Variants in RORA observed in about 807,000 individuals in gnomAD.
The protein encoded by RORA is RAR related orphan receptor A.
Under a neutral mutation model 69.5 loss-of-function variants are expected in RORA, and 7 were observed. The observed-to-expected ratio is 0.10, with a 90% CI of 0.06 to 0.19. The LOEUF is 0.19. Ranked by LOEUF, RORA falls within the 10% of genes least tolerant of loss-of-function variation. The pLI is 1.00. For synonymous variants in RORA, 261 were observed against 240.8 expected (o/e 1.08, Z -0.78); for missense variants, 457 against 663.0 (o/e 0.69, Z 3.41).
chr15:60,827,070 T>A (rs916498895), intron 1 of RORA, among the ~76,000 whole-genome samples: 11 of 152,206 alleles, frequency 7.2e-5, no homozygotes, highest in African/African-American at 2.7e-4. Flanking sequence ...CATTTCTACA[T>A]GTACTGGGTA....
At chr15:60,657,340 C>T (rs528845727) in intron 2 of RORA, among the ~76,000 whole-genome samples, 1 of 152,290 alleles carries the variant, frequency 6.6e-6, no homozygotes, top group African/African-American at 2.4e-5. Context: ...CCCCCTGCCC[C>T]ACCCCCTGGG....
intron 1 of RORA, among the ~76,000 whole-genome samples, chr15:60,787,748 CA>C (rs2072358047): frequency 1.3e-5 from 2 of 152,294 alleles, no homozygotes; most frequent in South Asian, 4.1e-4. Flanking sequence ...CTGCAATCTA[CA>C]AGGTGCTATG....
At position 60,663,363 on chromosome 15, in the gene RORA, A is replaced by G. The variant is rs188530690; in HGVS notation, c.196+15294T>C. Reference sequence around the variant, plus strand: ...CTTCAATGTGAGATAGACCCAACTTAGCCTTTATGCCAAGAGGGTTAGTTC... The same window carrying G: ...CTTCAATGTGAGATAGACCCAACTTGGCCTTTATGCCAAGAGGGTTAGTTC... On this transcript the variant is annotated intron_variant, in intron 2 of 10. Transcript: ENST00000335670. Among the ~76,000 whole-genome samples, 19 of 152,246 alleles carry G rather than the reference A, an allele frequency of 1.2e-4. 1 individual carries two copies. The highest frequency in any genetic ancestry group is 1.2e-3 in the Admixed American group (19 of 15,282).
At chr15:61,041,046 G>T (rs1896741305) in intron 1 of RORA, 1 of 152,156 alleles carries the variant, frequency 6.6e-6, no homozygotes, top group Non-Finnish European at 1.5e-5. Flanking sequence ...TAGACATTGG[G>T]TGAACCATAG....
chr15:60,812,081 A>G (rs1448765102), intron 1 of RORA, among the ~76,000 whole-genome samples: 1 of 152,192 alleles, frequency 6.6e-6, no homozygotes, highest in Non-Finnish European at 1.5e-5. Context: ...CTCTGATCAC[A>G]CTACCTAGAT....
intron 2 of RORA, among the ~76,000 whole-genome samples, chr15:60,645,673 A>G (rs1255274170): frequency 6.6e-6 from 1 of 152,152 alleles, no homozygotes; most frequent in Middle Eastern, 3.2e-3. Flanking sequence ...GATTATAGGC[A>G]TCAGCCAAGG....
In RORA at chr15:60,573,451, A is replaced by AT. The variant is rs200718334; in HGVS notation, c.197-41601dup. On this transcript the variant is annotated intron_variant, in intron 2 of 10. Coordinates refer to ENST00000335670, the MANE Select transcript of RORA (RefSeq NM_134261.3). ...AAAAGCTTTTTTATCTCTTGAAATA[A>AT]TTAAGGGAAAGGAAGATACTGAGAA... is the stretch of plus-strand genomic sequence containing the variant. 6.3e-3 allele frequency among the ~76,000 whole-genome samples: 956 copies of AT among 152,316 alleles called. 22 individuals are homozygous for AT. In the East Asian group the frequency reaches 0.072, roughly 11 times the overall value.
intron 1 of RORA, among the ~76,000 whole-genome samples, chr15:60,820,449 T>C (rs545470321): frequency 6.6e-6 from 1 of 152,268 alleles, no homozygotes; most frequent in African/African-American, 2.4e-5. Flanking sequence ...AGACCCTTGA[T>C]TAAACCTTCT....
intron 4 of RORA, among the ~76,000 whole-genome samples, chr15:60,513,289 A>T (rs537528663): frequency 3.9e-5 from 6 of 152,358 alleles, no homozygotes; most frequent in African/African-American, 1.2e-4. Flanking sequence ...AATTCTTTCT[A>T]TGCCTACAAC....
At position 60,490,084 on chromosome 15, in the gene RORA, ATATTATG is replaced by A. The variant is rs1411043417; in HGVS notation, c.*7364_*7370del. The stretch of plus-strand genomic sequence containing the variant: ...ACACTCTAGAATAATTTATATAATG[ATATTATG>A]TATTTAAAGAGAAAAGCATGTCCCA... On this transcript the variant is annotated 3_prime_UTR_variant, in exon 11 of 11. Transcript: ENST00000335670. This position sits in a 1 kb window ranked among gnomAD's most constrained non-coding sequence, Gnocchi z 4.1. 1.3e-5 allele frequency: 2 copies of A among 151,776 alleles called. No individual in the cohort carries two copies. The highest frequency in any genetic ancestry group is 2.9e-5 in the Non-Finnish European group (2 of 67,920). 9.4% of individuals were successfully genotyped at this position (151,776 alleles called of 1,614,324 possible). A position where few individuals can be genotyped will look rare whatever the true frequency, so the allele number is the denominator to read the frequency against.
chr15:60,540,574 C>CCCCCCCCCCG (rs1555428642), intron 2 of RORA, among the ~76,000 whole-genome samples: 9 of 102,666 alleles, frequency 8.8e-5, no homozygotes, highest in South Asian at 5.9e-4. Context: ...ACCCCCCCCC[C>CCCCCCCCCCG]CCAAAACTGT....
At position 60,511,091 on chromosome 15, in the gene RORA, C is replaced by G; in HGVS notation, c.820+135G>C. On this transcript the variant is annotated intron_variant, in intron 5 of 10. Transcript: ENST00000335670. This position sits in a 1 kb window ranked among gnomAD's most constrained non-coding sequence, Gnocchi z 6.4. ...GAGGGTCAAAAGCAAGGGGGCAGGGCAGAAAATTAAGTGGCCCAAATGGTA... is the reference window on the plus strand; with the variant it reads ...GAGGGTCAAAAGCAAGGGGGCAGGGGAGAAAATTAAGTGGCCCAAATGGTA... The G allele has an allele frequency of 1.1e-6, 1 of 951,538 alleles. No individual in the cohort carries two copies. Among genetic ancestry groups the G allele is most frequent in the South Asian group, 1.7e-5 (1 of 57,926 alleles). The allele number at this position is 951,538 out of a possible 1,614,324, so 58.9% of individuals were successfully genotyped here.
At chr15:60,739,313 C>G (rs1243195473) in intron 1 of RORA, among the ~76,000 whole-genome samples, 1 of 152,180 alleles carries the variant, frequency 6.6e-6, no homozygotes, top group East Asian at 1.9e-4. Context: ...TGGCTCACAT[C>G]TGTAATCCCA....
At chr15:60,646,549 G>A (rs758930712) in intron 2 of RORA, among the ~76,000 whole-genome samples, 13 of 152,194 alleles carry the variant, frequency 8.5e-5, no homozygotes, top group Non-Finnish European at 1.8e-4. Flanking sequence ...AAACTTAAAA[G>A]TGAATGCACT....
intron 3 of RORA, among the ~76,000 whole-genome samples, chr15:60,521,263 G>C (rs1285011919): frequency 7.0e-6 from 1 of 143,006 alleles, no homozygotes; most frequent in Admixed American, 6.9e-5. Context: ...TTTTTTTTGA[G>C]ACGGAGTCTT....
chr15:60,585,690 C>T (rs2068314522), intron 2 of RORA, among the ~76,000 whole-genome samples: 1 of 152,076 alleles, frequency 6.6e-6, no homozygotes, highest in Non-Finnish European at 1.5e-5. Flanking sequence ...ACTCACAAAC[C>T]AAATTTCACT....
rs1466529390 is a variant in RORA at position 60,492,065 on chromosome 15, G to T, written c.*5390C>A. 1.4e-5 allele frequency: 2 copies of T among 143,468 alleles called. No homozygotes were observed. Among genetic ancestry groups the T allele is most frequent in the African/African-American group, 6.0e-5 (2 of 33,420 alleles). The allele number at this position is 143,468 out of a possible 1,614,324, so 8.9% of individuals were successfully genotyped here. A position where few individuals can be genotyped will look rare whatever the true frequency, so the allele number is the denominator to read the frequency against. On this transcript the variant is annotated 3_prime_UTR_variant, in exon 11 of 11. Transcript: ENST00000335670. Reference sequence around the variant, plus strand: ...ACACACATATACAAATACACATAGAGAGGAGAGATTTCTACCATTTTCCAT... The same window carrying T: ...ACACACATATACAAATACACATAGATAGGAGAGATTTCTACCATTTTCCAT...
At chr15:61,031,825 G>A (rs1389846259) in intron 1 of RORA, among the ~76,000 whole-genome samples, 1 of 152,176 alleles carries the variant, frequency 6.6e-6, no homozygotes, top group South Asian at 2.1e-4. Context: ...AGAACCACAG[G>A]AATGGTTAGA....
intron 1 of RORA, among the ~76,000 whole-genome samples, chr15:61,218,667 AT>A (rs1166298070): frequency 2.3e-5 from 2 of 87,228 alleles, no homozygotes; most frequent in African/African-American, 8.7e-5. Context: ...TAATTTACTA[AT>A]ATAACTCACA....
Sources: allele counts gnomAD v4.1 joint callset (sites outside exome capture counted in the v4.1 genomes callset), GRCh38; gene constraint gnomAD v4.1.1; non-coding constraint Gnocchi (gnomAD v3.1); transcripts MANE v1.5; gene names NCBI Gene and HGNC (gene_info 2026-07-23, HGNC 2026-07-21).